SPAG16: variants seen among roughly 807,000 people sequenced by gnomAD.
The protein encoded by SPAG16 is sperm-associated antigen 16 protein.
Under a neutral mutation model 80.4 loss-of-function variants are expected in SPAG16, and 86 were observed. The observed-to-expected ratio is 1.07, with a 90% CI of 0.90 to 1.28. The LOEUF (loss-of-function observed/expected upper bound fraction) is 1.28, where lower values mean the gene tolerates loss of function less well. SPAG16 is among the 50% of genes most tolerant of loss of function. The pLI is 0.00. For missense variants in SPAG16, 870 were observed against 765.3 expected, an observed-to-expected ratio of 1.14 and a Z score of -1.61; for synonymous variants, 294 against 265.9, an observed-to-expected ratio of 1.11 and a Z score of -1.03.
intron 10 of SPAG16, among the ~76,000 whole-genome samples, chr2:213,596,122 C>T (rs911744382): frequency 1.3e-5 from 2 of 152,044 alleles, no homozygotes. Flanking sequence ...TAGCATATCA[C>T]ATACATAGAA....
chr2:213,916,768 C>A (rs2077991759), intron 11 of SPAG16, among the ~76,000 whole-genome samples: 1 of 152,146 alleles, frequency 6.6e-6, no homozygotes, highest in African/African-American at 2.4e-5. Context: ...CTGACAGTTT[C>A]TTTTGCTGTT....
chr2:214,180,499 G>C (rs1054165049), intron 15 of SPAG16, among the ~76,000 whole-genome samples: 1 of 151,574 alleles, frequency 6.6e-6, no homozygotes, highest in Non-Finnish European at 1.5e-5. Context: ...AATTCAATAA[G>C]CTATAAATAG....
At chr2:213,884,921 AC>A (rs974101709) in intron 11 of SPAG16, among the ~76,000 whole-genome samples, 15 of 152,200 alleles carry the variant, frequency 9.9e-5, no homozygotes, top group African/African-American at 3.4e-4. Context: ...ATTGAGTTTT[AC>A]CTTTCTCTTG....
At chr2:214,335,490 A>G (rs2126019587) in intron 15 of SPAG16, among the ~76,000 whole-genome samples, 1 of 151,840 alleles carries the variant, frequency 6.6e-6, no homozygotes, top group African/African-American at 2.4e-5. Flanking sequence ...ATATAGATAT[A>G]TATATAATTT....
At chr2:214,407,293 T>C (rs1055737101) in intron 15 of SPAG16, among the ~76,000 whole-genome samples, 34 of 152,202 alleles carry the variant, frequency 2.2e-4, no homozygotes, top group African/African-American at 8.2e-4. Flanking sequence ...TAATAATCTG[T>C]TCAGAAATTA....
Position 214,373,168 on chromosome 2 carries a change from A to T in SPAG16, c.1721-36972A>T, listed in dbSNP as rs565892187. Among the ~76,000 whole-genome samples the T allele has an allele frequency of 5.9e-5, 9 of 152,272 alleles. No individual in the cohort carries two copies. In the South Asian group the frequency reaches 1.9e-3, roughly 32 times the overall value. On this transcript the variant is annotated intron_variant, in intron 15 of 15. Coordinates refer to ENST00000331683, the MANE Select transcript of SPAG16 (RefSeq NM_024532.5). ...AGGGAAATAATTGCTTCAGAAAAAA[A>T]TTGCTTTCAGAATAAACTATAATAC... is the stretch of plus-strand genomic sequence containing the variant.
chr2:213,440,428 G>A (rs557036728), intron 9 of SPAG16, among the ~76,000 whole-genome samples: 14 of 152,094 alleles, frequency 9.2e-5, no homozygotes, highest in Admixed American at 1.3e-4. Flanking sequence ...GGCGGCGGGC[G>A]CCTGTAGTCC....
intron 11 of SPAG16, among the ~76,000 whole-genome samples, chr2:213,883,008 G>A (rs2076406530): frequency 6.6e-6 from 1 of 152,070 alleles, no homozygotes; most frequent in Admixed American, 6.6e-5. Flanking sequence ...TGGGACTACA[G>A]GCACCCACCA....
At chr2:214,104,153 C>A (rs775532697) in intron 13 of SPAG16, among the ~76,000 whole-genome samples, 3 of 152,080 alleles carry the variant, frequency 2.0e-5, no homozygotes, top group African/African-American at 4.8e-5. Context: ...TTCTTTAACT[C>A]AGGTGCCAGA....
intron 14 of SPAG16, among the ~76,000 whole-genome samples, chr2:214,111,090 C>G (rs1049655918): frequency 5.3e-5 from 8 of 152,128 alleles, no homozygotes; most frequent in Non-Finnish European, 7.3e-5. Flanking sequence ...TGCCTGTTCA[C>G]TCTGATGGTA....
At chr2:213,601,046 G>A (rs2061043019) in intron 10 of SPAG16, among the ~76,000 whole-genome samples, 1 of 152,168 alleles carries the variant, frequency 6.6e-6, no homozygotes, top group African/African-American at 2.4e-5. Flanking sequence ...AGCAAGGAGA[G>A]TAAATGATTG....
chr2:213,511,369 G>A (rs1346782378), intron 10 of SPAG16, among the ~76,000 whole-genome samples: 1 of 151,930 alleles, frequency 6.6e-6, no homozygotes, highest in Non-Finnish European at 1.5e-5. Flanking sequence ...AAATACCATC[G>A]TTTCGAGATT....
chr2:213,937,666 A>G (rs539207296), intron 12 of SPAG16, among the ~76,000 whole-genome samples: 1 of 152,100 alleles, frequency 6.6e-6, no homozygotes, highest in African/African-American at 2.4e-5. Flanking sequence ...TTTCCCCCCC[A>G]AAAGTGCATA....
chr2:213,396,548 T>C (rs1397785363), intron 9 of SPAG16: 1 of 426,688 alleles, frequency 2.3e-6, no homozygotes, highest in African/African-American at 2.0e-5. Context: ...ATGAGCTCAG[T>C]GCGAGAACAG....
At chr2:214,284,473 C>T (rs759803508) in intron 15 of SPAG16, among the ~76,000 whole-genome samples, 1 of 152,150 alleles carries the variant, frequency 6.6e-6, no homozygotes, top group Admixed American at 6.5e-5. Context: ...AATATACACC[C>T]TACTGGTGGT....
chr2:213,864,733 A>T (rs748815875), intron 11 of SPAG16, among the ~76,000 whole-genome samples: 1 of 152,050 alleles, frequency 6.6e-6, no homozygotes, highest in Non-Finnish European at 1.5e-5. Context: ...CAGGCACTCT[A>T]TCTTCTGCAA....
At chr2:213,527,507 CACA>C (rs1192023081) in intron 10 of SPAG16, among the ~76,000 whole-genome samples, 1 of 152,116 alleles carries the variant, frequency 6.6e-6, no homozygotes, top group Non-Finnish European at 1.5e-5. Context: ...TTCTTTAAAT[CACA>C]ACTTCTGATC....
In SPAG16 at chr2:213,350,652, A is replaced by G. The variant is rs757039715; in HGVS notation, c.762+7A>G. On this transcript the variant is annotated splice_region_variant and intron_variant, in intron 7 of 15. Transcript: ENST00000331683. ...AGACAAAGTAGTTGGGCAGGTAAAGATATAGTCAAAGCTAACTTAAAATGA... is the reference window on the plus strand; with the variant it reads ...AGACAAAGTAGTTGGGCAGGTAAAGGTATAGTCAAAGCTAACTTAAAATGA... 71 of 1,472,178 alleles carry G rather than the reference A, an allele frequency of 4.8e-5. 1 individual carries two copies. In the South Asian group the frequency reaches 8.4e-4, roughly 18 times the overall value. The allele number at this position is 1,472,178 out of a possible 1,614,324, so 91.2% of individuals were successfully genotyped here.
chr2:213,519,195 A>G (rs1357229697), intron 10 of SPAG16, among the ~76,000 whole-genome samples: 4 of 151,564 alleles, frequency 2.6e-5, no homozygotes, highest in Non-Finnish European at 5.9e-5. Context: ...AAAACCAAAA[A>G]ATCATTTCTG....
Sources: gnomAD v4.1 joint callset for allele counts (sites outside exome capture counted in the v4.1 genomes callset) on GRCh38, gnomAD v4.1.1 for gene constraint, MANE v1.5 for transcripts, NCBI Gene and HGNC (gene_info 2026-07-23, HGNC 2026-07-21) for gene names.